The following FNDC3B variants were observed in gnomAD, a reference collection of about 807,000 sequenced individuals.
FNDC3B encodes fibronectin type III domain containing 3B, also known as fibronectin type III domain-containing protein 3B.
In FNDC3B, 12 loss-of-function variants were observed where a neutral mutation model predicts 151.5. That is an observed-to-expected ratio of 0.08 (90% CI 0.05 to 0.13). The LOEUF is 0.13. Among genes scored for constraint, FNDC3B ranks in the 10% least tolerant of loss-of-function variants. The probability of loss-of-function intolerance (pLI) is 1.00; values close to 1 mark genes in which losing one functional copy is unlikely to be tolerated. For missense variants in FNDC3B, 1,214 were observed against 1,505.3 expected, an observed-to-expected ratio of 0.81 and a Z score of 3.20; for synonymous variants, 528 against 549.0, an observed-to-expected ratio of 0.96 and a Z score of 0.54.
intron 4 of FNDC3B, among the ~76,000 whole-genome samples, chr3:172,235,597 G>A (rs1197861472): frequency 6.6e-6 from 1 of 152,190 alleles, no homozygotes; most frequent in East Asian, 1.9e-4. Flanking sequence ...AAGAGCAGGG[G>A]TCAGAGTATT....
intron 4 of FNDC3B, among the ~76,000 whole-genome samples, chr3:172,238,180 T>A (rs1272905410): frequency 6.6e-6 from 1 of 152,084 alleles, no homozygotes; most frequent in Non-Finnish European, 1.5e-5. Flanking sequence ...ATTTTTTAAT[T>A]TTTGATTTTT....
intron 7 of FNDC3B, among the ~76,000 whole-genome samples, chr3:172,293,777 A>G (rs1730457452): frequency 6.6e-6 from 1 of 152,250 alleles, no homozygotes; most frequent in South Asian, 2.1e-4. Context: ...AGTGATCTCC[A>G]CTAAAAATGT....
rs533781407 is a variant in FNDC3B, at chr3:172,396,435, A to G, written c.3304-729A>G. Among the ~76,000 whole-genome samples, 88 of 152,274 alleles carry G rather than the reference A, an allele frequency of 5.8e-4. 1 individual carries two copies. Among genetic ancestry groups the G allele is most frequent in the African/African-American group, 1.9e-3 (79 of 41,558 alleles). On this transcript the variant is annotated intron_variant, in intron 25 of 25. Transcript: ENST00000415807. ...TTACATTTTGTTTGCTCAGTTTTTA[A>G]TTGTTTCCATTTTAGAATGTTAACT... is the stretch of plus-strand genomic sequence containing the variant.
intron 3 of FNDC3B, among the ~76,000 whole-genome samples, chr3:172,199,872 A>T (rs1725048754): frequency 6.6e-6 from 1 of 152,244 alleles, no homozygotes; most frequent in East Asian, 1.9e-4. Flanking sequence ...GAAAATTGTG[A>T]GGAACATCTC....
At chr3:172,202,746 T>TG (rs1258708761) in intron 3 of FNDC3B, among the ~76,000 whole-genome samples, 4 of 152,324 alleles carry the variant, frequency 2.6e-5, no homozygotes, top group Admixed American at 2.6e-4. Flanking sequence ...CACCTTCCCC[T>TG]GAGTCTCTGG....
At chr3:172,148,897 A>C (rs1238600154) in intron 3 of FNDC3B, among the ~76,000 whole-genome samples, 1 of 152,214 alleles carries the variant, frequency 6.6e-6, no homozygotes, top group African/African-American at 2.4e-5. Flanking sequence ...TCCATCTCAG[A>C]TGTAACTCAA....
chr3:172,198,852 G>T (rs1724984148), intron 3 of FNDC3B, among the ~76,000 whole-genome samples: 1 of 152,162 alleles, frequency 6.6e-6, no homozygotes, highest in African/African-American at 2.4e-5. Context: ...CCTTGATAAG[G>T]TCTCATTCTG....
At chr3:172,206,344 T>G (rs1725420610) in intron 3 of FNDC3B, among the ~76,000 whole-genome samples, 1 of 152,318 alleles carries the variant, frequency 6.6e-6, no homozygotes, top group South Asian at 2.1e-4. Flanking sequence ...AGTTATTTCT[T>G]GGGATCCTAT....
chr3:172,104,401 G>GTTT (rs746523404), intron 1 of FNDC3B, among the ~76,000 whole-genome samples: 2 of 135,414 alleles, frequency 1.5e-5, no homozygotes. Context: ...GTCCACTATA[G>GTTT]TTTTTTTTTT....
chr3:172,155,040 A>G (rs947994024), intron 3 of FNDC3B, among the ~76,000 whole-genome samples: 1 of 151,948 alleles, frequency 6.6e-6, no homozygotes, highest in African/African-American at 2.4e-5. Context: ...AGGATTGGAG[A>G]TGGAGGGAAG....
At chr3:172,157,578 T>C (rs956371318) in intron 3 of FNDC3B, among the ~76,000 whole-genome samples, 3 of 152,178 alleles carry the variant, frequency 2.0e-5, no homozygotes, top group African/African-American at 7.2e-5. Context: ...CCCTAACTCC[T>C]AGTAACCACC....
At chr3:172,356,978 C>T (rs577143289) in intron 22 of FNDC3B, among the ~76,000 whole-genome samples, 4 of 152,054 alleles carry the variant, frequency 2.6e-5, no homozygotes, top group South Asian at 4.2e-4. Flanking sequence ...TGGTTTGTTT[C>T]GAAAGTCATT....
At position 172,072,993 on chromosome 3, in the gene FNDC3B, A is replaced by G. The variant is rs113020140; in HGVS notation, c.-29+33222A>G. Among the ~76,000 whole-genome samples the G allele has an allele frequency of 6.7e-3, 1,017 of 152,274 alleles. 3 individuals carry two copies. The highest frequency in any genetic ancestry group is 0.012 in the Non-Finnish European group (816 of 68,006). ...GCCGGAGTAGTTGTTTCCACCAGCC[A>G]TGGTGGGGCTCTGAAATGGAAGCAA... On this transcript the variant is annotated intron_variant, in intron 1 of 25. Coordinates refer to ENST00000415807, the MANE Select transcript of FNDC3B (RefSeq NM_022763.4).
chr3:172,048,012 TCTC>T (rs1472970411), intron 1 of FNDC3B, among the ~76,000 whole-genome samples: 3 of 152,162 alleles, frequency 2.0e-5, no homozygotes, highest in Non-Finnish European at 2.9e-5. Context: ...TACATGTCCT[TCTC>T]CTCTACTTTT....
Position 172,397,240 on chromosome 3 carries a change from C to G in FNDC3B, c.3380C>G (p.Ala1127Gly). The G allele has an allele frequency of 5.6e-6, 9 of 1,614,172 alleles. No homozygotes were observed. Among genetic ancestry groups the G allele is most frequent in the Non-Finnish European group, 7.6e-6 (9 of 1,180,006 alleles). ...TNTDYRFRVC[A>G]CRRCLDTSQE... ...ACAGACTACAGGTTCCGCGTATGTG[C>G]GTGTCGTCGCTGTTTAGACACCTCT... is the stretch of plus-strand genomic sequence containing the variant. Residue 1127 changes from alanine to glycine, a missense_variant, in exon 26 of 26, where the codon GCG becomes GGG. By Grantham distance (60) the Ala-to-Gly change is moderately conservative (BLOSUM62 0). This residue lies in a region of FNDC3B where 284 missense variants were observed against 392.4 expected (regional missense o/e 0.72). Transcript: ENST00000415807.
Position 172,247,627 on chromosome 3 carries a change from C to G in FNDC3B, c.359C>G (p.Thr120Ser), listed in dbSNP as rs1318689321. 1 of 1,614,138 alleles carries G rather than the reference C, an allele frequency of 6.2e-7. No homozygotes were observed. The highest frequency in any genetic ancestry group is 8.5e-7 in the Non-Finnish European group (1 of 1,180,018). ...PPSYPSAMSP[T>S]HHLPPYLTHH... ...AGCTACCCCTCAGCCATGTCTCCAA[C>G]CCATCATCTCCCTCCCTATCTGACT... Residue 120 changes from threonine (T) to serine (S), a missense_variant, in exon 5 of 26, where the codon ACC (threonine) becomes AGC (serine). Thr to Ser is a moderately conservative substitution (Grantham distance 58, BLOSUM62 1). Coordinates refer to ENST00000415807, the MANE Select transcript of FNDC3B (RefSeq NM_022763.4).
At chr3:172,083,932 A>C (rs749922338) in intron 1 of FNDC3B, among the ~76,000 whole-genome samples, 2 of 151,918 alleles carry the variant, frequency 1.3e-5, no homozygotes, top group African/African-American at 2.4e-5. Flanking sequence ...ACCTTAGTTT[A>C]TTTTTCTTTT....
At chr3:172,365,629 A>G (rs560954028) in intron 23 of FNDC3B, among the ~76,000 whole-genome samples, 52 of 152,298 alleles carry the variant, frequency 3.4e-4, no homozygotes, top group Admixed American at 7.8e-4. Flanking sequence ...TTTGTTTCCC[A>G]TCTATTCTGG....
intron 23 of FNDC3B, among the ~76,000 whole-genome samples, chr3:172,371,308 A>G (rs1734869085): frequency 6.6e-6 from 1 of 152,250 alleles, no homozygotes; most frequent in African/African-American, 2.4e-5. Flanking sequence ...AAAAAAGCAG[A>G]ACATGTTCAG....
Sources: allele counts gnomAD v4.1 joint callset (sites outside exome capture counted in the v4.1 genomes callset), GRCh38; gene constraint gnomAD v4.1.1; regional missense constraint gnomAD v4.1.1; transcripts MANE v1.5; gene names NCBI Gene and HGNC (gene_info 2026-07-23, HGNC 2026-07-21).